Variants in REM2 observed in about 807,000 individuals in gnomAD.
REM2 encodes the protein RRAD and GEM like GTPase 2, also known as GTP-binding protein REM 2.
REM2 carries 24 observed loss-of-function variants against 24.4 expected under a neutral mutation model. That is an observed-to-expected ratio of 0.98 (90% CI 0.71 to 1.38). The LOEUF (loss-of-function observed/expected upper bound fraction) is 1.38, where lower values mean the gene tolerates loss of function less well. Among genes scored for constraint, REM2 ranks in the 40% most tolerant of loss-of-function variants. The pLI, the probability that REM2 is intolerant of heterozygous loss-of-function variation, is 0.00. For missense variants in REM2, 429 were observed against 467.8 expected (o/e 0.92, Z 0.77); for synonymous variants, 187 against 198.0 (o/e 0.94, Z 0.47).
chr14:22,885,287 T>A lies in REM2; in HGVS notation c.467T>A (p.Ile156Asn), dbSNP rs1197309614. 1.2e-6 allele frequency: 2 copies of A among 1,613,562 alleles called. No homozygotes were observed. The highest frequency in any genetic ancestry group is 2.2e-5 in the East Asian group (1 of 44,892). The part of the protein sequence containing the change: ...ENPEDTYERR[I>N]MVDKEEVTLV... ...GCAGAGGATACCTATGAGAGACGCA[T>A]CATGGTGGATAAGGAGGAAGTGACT... Residue 156 changes from isoleucine to asparagine, a missense_variant, in exon 3 of 5, where the codon ATC (isoleucine) becomes AAC (asparagine). Coordinates refer to ENST00000267396, the MANE Select transcript of REM2 (RefSeq NM_173527.3).
At chr14:22,885,964 G>A (rs1013626531) in intron 3 of REM2, 60 bp from the exon 4 acceptor site, 8 of 1,389,730 alleles carry the variant, frequency 5.8e-6, no homozygotes, top group Admixed American at 5.1e-5. Flanking sequence ...TCTTTGAGGT[G>A]TAGGTGCTGG....
At chr14:22,884,523 G>A (rs1326967891) in intron 1 of REM2, 151 bp from the exon 2 acceptor site, 1 of 1,430,700 alleles carries the variant, frequency 7.0e-7, no homozygotes, top group Non-Finnish European at 9.2e-7. Context: ...AAGAGGTCAG[G>A]CCAGACATTC....
At position 22,886,169 on chromosome 14, in the gene REM2, T is replaced by C. The variant is rs1356092478; in HGVS notation, c.665T>C (p.Leu222Pro). The C allele has an allele frequency of 1.9e-6, 3 of 1,613,814 alleles. No individual in the cohort carries two copies. Among genetic ancestry groups the C allele is most frequent in the Non-Finnish European group, 2.5e-6 (3 of 1,179,868 alleles). Residue 222 changes from leucine to proline, a missense_variant, in exon 4 of 5, where the codon CTA (leucine) becomes CCA (proline). Leu to Pro is a moderately conservative substitution (Grantham distance 98). Coordinates refer to ENST00000267396, the MANE Select transcript of REM2 (RefSeq NM_173527.3). This position sits in a 1 kb window ranked among gnomAD's most constrained non-coding sequence, Gnocchi z 5.9. Reference sequence around the variant, plus strand: ...CGGGCTGGGAGGCCGCACCACGACCTACCCGTTATCCTCGTTGGAAACAAG... The same window carrying C: ...CGGGCTGGGAGGCCGCACCACGACCCACCCGTTATCCTCGTTGGAAACAAG... ...RLRAGRPHHD[L>P]PVILVGNKSD...
At position 22,884,089 on chromosome 14, in the gene REM2, C is replaced by G. The variant is rs1255866424; in HGVS notation, c.104-585C>G. The stretch of plus-strand genomic sequence containing the variant: ...CCTCTCTCTCTCTCACACACACACA[C>G]AGAGAACCCACAGAGACCCAGCACG... On this transcript the variant is annotated intron_variant, in intron 1 of 4. Transcript: ENST00000267396. 40 of 985,152 alleles carry G rather than the reference C, an allele frequency of 4.1e-5. No individual in the cohort carries two copies. The East Asian group carries it at 4.5e-4, about 11-fold the overall frequency. 61.0% of individuals were successfully genotyped at this position (985,152 alleles called of 1,614,324 possible). A position where few individuals can be genotyped will look rare whatever the true frequency, so the allele number is the denominator to read the frequency against.
At position 22,886,571 on chromosome 14, in the gene REM2, C is replaced by A. The variant is rs923465599; in HGVS notation, c.728-43C>A. 1.2e-5 allele frequency: 17 copies of A among 1,440,438 alleles called. No individual in the cohort carries two copies. In the African/African-American group the frequency reaches 2.2e-4, roughly 18 times the overall value. 89.2% of individuals were successfully genotyped at this position (1,440,438 alleles called of 1,614,324 possible). Reference sequence around the variant, plus strand: ...CCCTAGACCCACCCTCGCCCCGGGTCCCGTACAGCCCAGCGGGCGCCTGAG... The same window carrying A: ...CCCTAGACCCACCCTCGCCCCGGGTACCGTACAGCCCAGCGGGCGCCTGAG... On this transcript the variant is annotated intron_variant, in intron 4 of 4. Coordinates refer to ENST00000267396, the MANE Select transcript of REM2 (RefSeq NM_173527.3). This position sits in a 1 kb window ranked among gnomAD's most constrained non-coding sequence, Gnocchi z 5.9.
At chr14:22,884,265 CAGG>C (rs1392795731) in intron 1 of REM2, 2 of 985,314 alleles carry the variant, frequency 2.0e-6, no homozygotes, top group East Asian at 1.1e-4. Flanking sequence ...GTGCTGGAAA[CAGG>C]AGGAGGAAGG....
Position 22,884,974 on chromosome 14 carries a change from G to T in REM2, c.404G>T (p.Gly135Val). ...AAGAGCACCCTAGCAGGCACTTTTG[G>T]TGGTCTCCAGGGAGACAGTGCTCAC... ...VGKSTLAGTF[G>V]GLQGDSAHEP... The change falls in exon 2 of 5, where the codon GGT (glycine) becomes GTT (valine). Residue 135 changes from glycine to valine, a missense_variant. By Grantham distance (109) the Gly-to-Val change is moderately radical. Transcript: ENST00000267396. 6.4e-7 allele frequency: 1 copy of T among 1,566,544 alleles called. No individual in the cohort carries two copies. The highest frequency in any genetic ancestry group is 8.7e-7 in the Non-Finnish European group (1 of 1,153,318).
chr14:22,886,191 C>T lies in REM2; in HGVS notation c.687C>T (p.Asn229=). ...HHDLPVILVG[N]KSDLARSREV... The stretch of plus-strand genomic sequence containing the variant: ...ACCTACCCGTTATCCTCGTTGGAAA[C>T]AAGAGCGACTTGGCCCGCTCCCGGG... The change falls in exon 4 of 5, where the codon AAC becomes AAT. Residue 229 remains asparagine (N), a synonymous_variant. Transcript: ENST00000267396. This position sits in a 1 kb window ranked among gnomAD's most constrained non-coding sequence, Gnocchi z 5.9. 4 of 1,613,904 alleles carry T rather than the reference C, an allele frequency of 2.5e-6. No individual in the cohort carries two copies. The highest frequency in any genetic ancestry group is 3.4e-6 in the Non-Finnish European group (4 of 1,179,838).
At chr14:22,885,968 G>C in intron 3 of REM2, 56 bp from the exon 4 acceptor site, 1 of 1,435,832 alleles carries the variant, frequency 7.0e-7, no homozygotes, top group Non-Finnish European at 9.8e-7. Flanking sequence ...TGAGGTGTAG[G>C]TGCTGGACAG....
In REM2 at chr14:22,886,840, C is replaced by T; in HGVS notation, c.954C>T (p.Asn318=). Residue 318 remains asparagine (N), a synonymous_variant, in exon 5 of 5, where the codon AAC becomes AAT. Coordinates refer to ENST00000267396, the MANE Select transcript of REM2 (RefSeq NM_173527.3). This position sits in a 1 kb window ranked among gnomAD's most constrained non-coding sequence, Gnocchi z 5.9. ...LTKKAKRFLA[N]LVPRNAKFFK... is the part of the protein sequence containing the mutation. ...AGAAAGCCAAGAGGTTCCTCGCCAA[C>T]CTGGTGCCGCGCAACGCCAAGTTCT... 6.5e-7 allele frequency: 1 copy of T among 1,547,684 alleles called. No homozygotes were observed. Among genetic ancestry groups the T allele is most frequent in the Non-Finnish European group, 8.7e-7 (1 of 1,145,946 alleles).
chr14:22,885,379 G>T, intron 3 of REM2, 40 bp downstream of exon 3: 1 of 1,506,638 alleles, frequency 6.6e-7, no homozygotes, highest in South Asian at 1.1e-5. Flanking sequence ...TGATGAAGCT[G>T]GGAGAACTGG....
intron 1 of REM2, chr14:22,883,942 T>C (rs2040095052): frequency 1.2e-6 from 1 of 803,706 alleles, no homozygotes; most frequent in African/African-American, 1.9e-5. Flanking sequence ...CTCTCTCTAC[T>C]TCTACTGCTC....
At position 22,887,333 on chromosome 14, in the gene REM2, G is replaced by A. The variant is rs2040140749; in HGVS notation, c.*424G>A. The A allele has an allele frequency of 6.4e-6, 1 of 157,196 alleles. No homozygotes were observed. Among genetic ancestry groups the A allele is most frequent in the Non-Finnish European group, 1.4e-5 (1 of 71,560 alleles). The allele number at this position is 157,196 out of a possible 1,614,324, so 9.7% of individuals were successfully genotyped here. On this transcript the variant is annotated 3_prime_UTR_variant, in exon 5 of 5. Transcript: ENST00000267396. Reference sequence around the variant, plus strand: ...ACGGAGTTTGCCTCCTTTGTACGCTGCGTGAACATGCCTCACCTTTAAGAG... The same window carrying A: ...ACGGAGTTTGCCTCCTTTGTACGCTACGTGAACATGCCTCACCTTTAAGAG...
chr14:22,885,525 G>A (rs1566499501), intron 3 of REM2, among the ~76,000 whole-genome samples, 186 bp downstream of exon 3: 1 of 152,200 alleles, frequency 6.6e-6, no homozygotes, highest in Non-Finnish European at 1.5e-5. Context: ...AAGACCCACA[G>A]TCTTTCCAGG....
intron 3 of REM2, among the ~76,000 whole-genome samples, chr14:22,885,591 AGCTAG>A (rs1272935748): frequency 6.6e-6 from 1 of 152,218 alleles, no homozygotes; most frequent in Non-Finnish European, 1.5e-5. Context: ...TGCAGCTCCA[AGCTAG>A]GCTGGACACC....
At position 22,886,915 on chromosome 14, in the gene REM2, G is replaced by T. The variant is rs918095359; in HGVS notation, c.*6G>T. On this transcript the variant is annotated 3_prime_UTR_variant, in exon 5 of 5. Coordinates refer to ENST00000267396, the MANE Select transcript of REM2 (RefSeq NM_173527.3). The surrounding 1 kb of genome is among the most constrained non-coding windows in gnomAD (Gnocchi z 5.9). Reference sequence around the variant, plus strand: ...ACGACCTCTCGGTGCTCTGAGCCGCGGTCGCCATGGCCACTGCGGTCGCCA... The same window carrying T: ...ACGACCTCTCGGTGCTCTGAGCCGCTGTCGCCATGGCCACTGCGGTCGCCA... 6.9e-7 allele frequency: 1 copy of T among 1,448,444 alleles called. No individual in the cohort carries two copies. Among genetic ancestry groups the T allele is most frequent in the Non-Finnish European group, 9.1e-7 (1 of 1,096,366 alleles). 89.7% of individuals were successfully genotyped at this position (1,448,444 alleles called of 1,614,324 possible). A position where few individuals can be genotyped will look rare whatever the true frequency, so the allele number is the denominator to read the frequency against.
rs765044356 is a variant in REM2 at position 22,884,769 on chromosome 14, G to T, written c.199G>T (p.Gly67Cys). 1.2e-6 allele frequency: 2 copies of T among 1,613,930 alleles called. No homozygotes were observed. The highest frequency in any genetic ancestry group is 2.2e-5 in the East Asian group (1 of 44,898). ...PSAPGAPRRR[G>C]SMPVPYKHQL... ...TGCCCCTGGGGCCCCCAGACGAAGA[G>T]GCAGTATGCCTGTCCCCTACAAGCA... Residue 67 changes from glycine (G) to cysteine (C), a missense_variant, in exon 2 of 5, where the codon GGC becomes TGC. By Grantham distance (159) the Gly-to-Cys change is radical. Coordinates refer to ENST00000267396, the MANE Select transcript of REM2 (RefSeq NM_173527.3).
At chr14:22,884,031 T>G in intron 1 of REM2, 1 of 985,138 alleles carries the variant, frequency 1.0e-6, no homozygotes, top group Non-Finnish European at 1.2e-6. Context: ...CAATGAGGGA[T>G]GCTCACCTAC....
In REM2 at chr14:22,886,505, T is replaced by C. The variant is rs370079807; in HGVS notation, c.728-109T>C. 5.1e-5 allele frequency: 53 copies of C among 1,037,894 alleles called. No individual in the cohort carries two copies. In the East Asian group the frequency reaches 1.1e-3, roughly 23 times the overall value. 64.3% of individuals were successfully genotyped at this position (1,037,894 alleles called of 1,614,324 possible). A position where few individuals can be genotyped will look rare whatever the true frequency, so the allele number is the denominator to read the frequency against. Reference sequence around the variant, plus strand: ...CAGCCATGTTCTCTCGGTTGCAAGATTCACTAGTACCAATCCCTTGCCACC... The same window carrying C: ...CAGCCATGTTCTCTCGGTTGCAAGACTCACTAGTACCAATCCCTTGCCACC... On this transcript the variant is annotated intron_variant, in intron 4 of 4. Coordinates refer to ENST00000267396, the MANE Select transcript of REM2 (RefSeq NM_173527.3). The surrounding 1 kb of genome is among the most constrained non-coding windows in gnomAD (Gnocchi z 5.9).
Sources: allele counts gnomAD v4.1 joint callset (sites outside exome capture counted in the v4.1 genomes callset), GRCh38; gene constraint gnomAD v4.1.1; non-coding constraint Gnocchi (gnomAD v3.1); transcripts MANE v1.5; gene names NCBI Gene and HGNC (gene_info 2026-07-23, HGNC 2026-07-21).